MYH11: variants seen among roughly 807,000 people sequenced by gnomAD.
The protein encoded by MYH11 is myosin heavy chain 11.
A neutral mutation model predicts 246.6 loss-of-function variants in MYH11; 80 were observed. The ratio of observed to expected loss-of-function variants is 0.32; its 90% CI spans 0.27 to 0.39. MYH11 has a LOEUF of 0.39. Among genes scored for constraint, MYH11 ranks in the 10% least tolerant of loss-of-function variants. MYH11 has a pLI of 1.00. For synonymous variants in MYH11, 1,071 were observed against 1,015.5 expected, an observed-to-expected ratio of 1.05 and a Z score of -1.04; for missense variants, 2,158 against 2,546.8, an observed-to-expected ratio of 0.85 and a Z score of 3.29.
chr16:15,725,145 AAAAAC>A, intron 28 of MYH11, 153 bp from the exon 29 acceptor site: 3 of 661,764 alleles, frequency 4.5e-6, no homozygotes, highest in Admixed American at 2.7e-5. Context: ...AAAAAAAAAA[AAAAAC>A]ACACACACAC....
intron 40 of MYH11, 57 bp downstream of exon 40, chr16:15,714,852 C>G: frequency 6.2e-7 from 1 of 1,605,904 alleles, no homozygotes; most frequent in Middle Eastern, 2.2e-4. Context: ...AGCCCGAGCC[C>G]CCAGTGCTTT....
chr16:15,793,061 A>C (rs2042652205), intron 4 of MYH11, among the ~76,000 whole-genome samples: 2 of 151,846 alleles, frequency 1.3e-5, no homozygotes, highest in South Asian at 4.2e-4. Flanking sequence ...CGAAAGTTTA[A>C]ACTCCTCCCC....
At chr16:15,763,741 TCC>T in intron 10 of MYH11, 53 bp downstream of exon 10, 2 of 646,858 alleles carry the variant, frequency 3.1e-6, no homozygotes, top group East Asian at 3.2e-5. Context: ...AAATGTCACC[TCC>T]CCCACCCCCC....
chr16:15,772,284 G>T lies in MYH11; in HGVS notation c.890-572C>A, dbSNP rs907479139. Among the ~76,000 whole-genome samples the T allele has an allele frequency of 5.3e-5, 8 of 151,846 alleles. No individual in the cohort carries two copies. In the East Asian group the frequency reaches 1.6e-3, roughly 30 times the overall value. ...ATTTTGTATTTTTAGTAGAGATGGG[G>T]TTTCACCATGTTGACCACACTAGAC... On this transcript the variant is annotated intron_variant, in intron 8 of 40. Transcript: ENST00000300036.
intron 1 of MYH11, among the ~76,000 whole-genome samples, chr16:15,853,883 G>T (rs1231122810): frequency 1.3e-5 from 2 of 152,088 alleles, no homozygotes; most frequent in African/African-American, 4.8e-5. Flanking sequence ...AATTAGCCAG[G>T]CATGGTGGTG....
Position 15,782,448 on chromosome 16 carries a change from T to C in MYH11, c.663A>G (p.Ala221=). 1 of 1,614,218 alleles carries C rather than the reference T, an allele frequency of 6.2e-7. No homozygotes were observed. The highest frequency in any genetic ancestry group is 8.5e-7 in the Non-Finnish European group (1 of 1,180,030). Residue 221 remains alanine, a synonymous_variant, in exon 6 of 41, where the codon GCA becomes GCG. Transcript: ENST00000300036. ...TGCCGAAAGCCTCCAGAATCGGGTT[T>C]GCTTGTAGAAGCTGCTTTTCCAGCT... ...TGELEKQLLQ[A]NPILEAFGNA... is the part of the protein sequence containing the mutation.
intron 4 of MYH11, among the ~76,000 whole-genome samples, chr16:15,796,064 A>G (rs1346507109): frequency 6.6e-6 from 1 of 152,210 alleles, no homozygotes; most frequent in East Asian, 1.9e-4. Context: ...AGAGACTGCT[A>G]CAGAGGCCCT....
At chr16:15,756,271 G>A in intron 14 of MYH11, 70 bp downstream of exon 14, 1 of 1,558,536 alleles carries the variant, frequency 6.4e-7, no homozygotes, top group African/African-American at 1.4e-5. Flanking sequence ...GCCACTCTCA[G>A]ACTGTCTCTG....
At chr16:15,739,943 T>C in intron 23 of MYH11, 108 bp downstream of exon 23, 1 of 1,198,596 alleles carries the variant, frequency 8.3e-7, no homozygotes, top group Non-Finnish European at 1.2e-6. Context: ...AGTTTTACCC[T>C]GTTGGCCAGG....
intron 40 of MYH11, chr16:15,711,346 A>G (rs763990656): frequency 6.6e-6 from 1 of 152,108 alleles, no homozygotes; most frequent in Non-Finnish European, 1.5e-5. Flanking sequence ...GAGAGAGTCT[A>G]TTTGGTGCTA....
At chr16:15,725,134 TAAA>T (rs60544332) in intron 28 of MYH11, 142 bp from the exon 29 acceptor site, 88 of 540,654 alleles carry the variant, frequency 1.6e-4, no homozygotes, top group Middle Eastern at 4.8e-4. Flanking sequence ...GGGACTCTGA[TAAA>T]AAAAAAAAAA....
chr16:15,852,185 G>A (rs2044346950), intron 1 of MYH11, among the ~76,000 whole-genome samples: 1 of 152,078 alleles, frequency 6.6e-6, no homozygotes, highest in Non-Finnish European at 1.5e-5. Context: ...TCTAACCAAT[G>A]CCTGATGATG....
chr16:15,710,905 T>G (rs1235151715), intron 40 of MYH11, among the ~76,000 whole-genome samples: 3 of 152,152 alleles, frequency 2.0e-5, no homozygotes, highest in African/African-American at 2.4e-5. Flanking sequence ...CTCGAACTCC[T>G]GACCTCAGGT....
At chr16:15,827,281 C>A (rs967049920) in intron 2 of MYH11, among the ~76,000 whole-genome samples, 37 of 152,160 alleles carry the variant, frequency 2.4e-4, no homozygotes, top group African/African-American at 8.9e-4. Flanking sequence ...GGCCCTAACC[C>A]ACATTGGGGG....
rs780380104 is a variant in MYH11, at chr16:15,832,943, C to CTTT, written c.345+4962_345+4964dup. Reference sequence around the variant, plus strand: ...CACATCTGAGCTTCAGCAACCTCATCTTTTTTTTTTTTTTTTTTTTTTTTT... The same window carrying CTTT: ...CACATCTGAGCTTCAGCAACCTCATCTTTTTTTTTTTTTTTTTTTTTTTTTTTT... On this transcript the variant is annotated intron_variant, in intron 2 of 40. Coordinates refer to ENST00000300036, the MANE Select transcript of MYH11 (RefSeq NM_002474.3). 8.3e-4 allele frequency among the ~76,000 whole-genome samples: 46 copies of CTTT among 55,438 alleles called. 5 individuals are homozygous for CTTT. Among genetic ancestry groups the CTTT allele is most frequent in the Non-Finnish European group, 1.1e-3 (34 of 31,466 alleles). 36.4% of individuals were successfully genotyped at this position (55,438 alleles called of 152,430 possible).
chr16:15,774,855 T>C (rs1219259533), intron 8 of MYH11, among the ~76,000 whole-genome samples: 1 of 152,146 alleles, frequency 6.6e-6, no homozygotes, highest in Non-Finnish European at 1.5e-5. Flanking sequence ...TCCGAAAGTG[T>C]GGGATTACAG....
intron 8 of MYH11, among the ~76,000 whole-genome samples, chr16:15,773,670 A>G (rs1291253332): frequency 6.6e-6 from 1 of 152,120 alleles, no homozygotes; most frequent in Non-Finnish European, 1.5e-5. Flanking sequence ...TTTGTAAATA[A>G]AGTTTTATTG....
intron 33 of MYH11, 40 bp from the exon 34 acceptor site, chr16:15,720,352 CT>C (rs2040402334): frequency 1.3e-6 from 2 of 1,596,450 alleles, no homozygotes; most frequent in Middle Eastern, 1.7e-4. Context: ...CCACTTGCCC[CT>C]GGGAGGTCCT....
intron 25 of MYH11, among the ~76,000 whole-genome samples, chr16:15,735,853 G>A (rs2041103041): frequency 6.6e-6 from 1 of 152,268 alleles, no homozygotes; most frequent in African/African-American, 2.4e-5. Flanking sequence ...AGAATGCAAA[G>A]CATTGACCCC....
Sources: gnomAD v4.1 joint callset for allele counts (sites outside exome capture counted in the v4.1 genomes callset) on GRCh38, gnomAD v4.1.1 for gene constraint, MANE v1.5 for transcripts, NCBI Gene and HGNC (gene_info 2026-07-23, HGNC 2026-07-21) for gene names.